The following RTEL1 variants were observed in gnomAD, a reference collection of about 807,000 sequenced individuals.
The protein encoded by RTEL1 is regulator of telomere elongation helicase 1.
RTEL1 carries 86 observed loss-of-function variants against 162.2 expected under a neutral mutation model. The ratio of observed to expected loss-of-function variants is 0.53; its 90% CI spans 0.45 to 0.63. RTEL1 has a LOEUF of 0.63. RTEL1 is among the 30% of genes least tolerant of loss of function. The pLI, the probability that RTEL1 is intolerant of heterozygous loss-of-function variation, is 0.00. For missense variants in RTEL1, 1,941 were observed against 1,750.2 expected (o/e 1.11, Z -1.95); for synonymous variants, 958 against 717.9 (o/e 1.33, Z -5.35).
chr20:63,667,037 C>T (rs1032289879), intron 7 of RTEL1, among the ~76,000 whole-genome samples: 25 of 151,108 alleles, frequency 1.7e-4, no homozygotes, highest in African/African-American at 5.9e-4. Context: ...GACGGGGTTT[C>T]ACCGTGTTAG....
Position 63,666,000 on chromosome 20 carries a change from G to T in RTEL1, c.539-4G>T, listed in dbSNP as rs1354561491. ...GTGTGTTTACCCCTGCCTCACACCTGCAGAAAAAAGCCTGGAGCAGGAGCT... is the reference window on the plus strand; with the variant it reads ...GTGTGTTTACCCCTGCCTCACACCTTCAGAAAAAAGCCTGGAGCAGGAGCT... On this transcript the variant is annotated splice_polypyrimidine_tract_variant and splice_region_variant and intron_variant, in intron 6 of 34. Coordinates refer to ENST00000360203, the MANE Select transcript of RTEL1 (RefSeq NM_001283009.2). 3.1e-6 allele frequency: 5 copies of T among 1,613,884 alleles called. No homozygotes were observed. The highest frequency in any genetic ancestry group is 4.2e-6 in the Non-Finnish European group (5 of 1,179,892).
At chr20:63,676,585 C>T (rs79981941) in intron 10 of RTEL1, among the ~76,000 whole-genome samples, 17 of 152,232 alleles carry the variant, frequency 1.1e-4, no homozygotes, top group East Asian at 7.7e-4. Context: ...CTTAGGACCA[C>T]GCCCTGCACC....
chr20:63,695,807 C>T lies in RTEL1; in HGVS notation c.3852C>T (p.Thr1284=), dbSNP rs149236681. 17 of 1,599,500 alleles carry T rather than the reference C, an allele frequency of 1.1e-5. No homozygotes were observed. In the East Asian group the frequency reaches 1.1e-4, roughly 11 times the overall value. Residue 1284 remains threonine (T), a synonymous_variant, in exon 35 of 35, where the codon ACC becomes ACT. Coordinates refer to ENST00000360203, the MANE Select transcript of RTEL1 (RefSeq NM_001283009.2). ...QASRMCPACH[T]ASRKQSVMQV... The stretch of plus-strand genomic sequence containing the variant: ...CTAGGATGTGCCCAGCCTGCCACAC[C>T]GCCTCCAGGAAGCAGAGCGTCATGC...
chr20:63,695,628 C>T lies in RTEL1; in HGVS notation c.3800C>T (p.Ala1267Val). The T allele has an allele frequency of 6.2e-6, 10 of 1,611,650 alleles. No individual in the cohort carries two copies. The highest frequency in any genetic ancestry group is 1.1e-5 in the South Asian group (1 of 91,068). ...CPACDFQRCQ[A>V]CWQRHLQASR... ...GCCTGTGACTTCCAGCGCTGCCAAGCCTGCTGGCAACGGCACCTTCAGGTT... is the reference window on the plus strand; with the variant it reads ...GCCTGTGACTTCCAGCGCTGCCAAGTCTGCTGGCAACGGCACCTTCAGGTT... Residue 1267 changes from alanine (A) to valine (V), a missense_variant, in exon 34 of 35, where the codon GCC (alanine) becomes GTC (valine). Coordinates refer to ENST00000360203, the MANE Select transcript of RTEL1 (RefSeq NM_001283009.2).
chr20:63,693,458 C>T (rs2090832487), intron 30 of RTEL1, among the ~76,000 whole-genome samples, 175 bp downstream of exon 30: 1 of 49,874 alleles, frequency 2.0e-5, no homozygotes. Flanking sequence ...GCACCACCTC[C>T]ACCTCCACCT....
chr20:63,685,756 C>T lies in RTEL1; in HGVS notation c.1267-35C>T, dbSNP rs375052586. 555 of 1,603,148 alleles carry T rather than the reference C, an allele frequency of 3.5e-4. 1 individual carries two copies. The highest frequency in any genetic ancestry group is 6.5e-4 in the Admixed American group (38 of 58,812). On this transcript the variant is annotated intron_variant, in intron 15 of 34. Coordinates refer to ENST00000360203, the MANE Select transcript of RTEL1 (RefSeq NM_001283009.2). ...TAAGGGGCTGCCCCCAGGACATGGG[C>T]GGGGCCTCCACACTCCTGGTCCTGT... is the stretch of plus-strand genomic sequence containing the variant.
At chr20:63,695,247 G>A (rs1289486073) in intron 33 of RTEL1, 26 bp downstream of exon 33, 1 of 1,608,796 alleles carries the variant, frequency 6.2e-7, no homozygotes, top group Non-Finnish European at 8.5e-7. Flanking sequence ...GGCTGCTCCT[G>A]GCAGCGCCCC....
chr20:63,677,253 C>T (rs1043241801), intron 10 of RTEL1, among the ~76,000 whole-genome samples: 1 of 152,192 alleles, frequency 6.6e-6, no homozygotes, highest in Non-Finnish European at 1.5e-5. Flanking sequence ...CTGGGTTGGT[C>T]GTTGTTACTG....
rs771530819 is a variant in RTEL1 at position 63,688,554 on chromosome 20, G to A, written c.1749G>A (p.Glu583=). 1 of 1,610,780 alleles carries A rather than the reference G, an allele frequency of 6.2e-7. No individual in the cohort carries two copies. The highest frequency in any genetic ancestry group is 2.2e-5 in the East Asian group (1 of 44,856). Residue 583 remains glutamate, a synonymous_variant, in exon 21 of 35, where the codon GAG becomes GAA. Coordinates refer to ENST00000360203, the MANE Select transcript of RTEL1 (RefSeq NM_001283009.2). ...CCCGCGACTTGGCCAGGAAGATGGA[G>A]GCGCTGAAGCCGCTGTTTGTGGAGC... ...WRARDLARKM[E]ALKPLFVEPR... is the part of the protein sequence containing the mutation.
intron 2 of RTEL1, among the ~76,000 whole-genome samples, chr20:63,660,973 A>G (rs575983971): frequency 6.6e-6 from 1 of 152,358 alleles, no homozygotes; most frequent in East Asian, 1.9e-4. Context: ...AAATGTTTGG[A>G]TCCAGAAACG....
At chr20:63,679,823 C>G (rs746178182) in intron 12 of RTEL1, 26 bp from the exon 13 acceptor site, 3 of 1,593,190 alleles carry the variant, frequency 1.9e-6, no homozygotes, top group Non-Finnish European at 2.6e-6. Context: ...CCGCCAGGCT[C>G]GAGCCTGCCT....
In RTEL1 at chr20:63,664,225, C is replaced by G. The variant is rs80206876; in HGVS notation, c.538+1336C>G. Among the ~76,000 whole-genome samples, 728 of 152,226 alleles carry G rather than the reference C, an allele frequency of 4.8e-3. 7 individuals carry two copies. The highest frequency in any genetic ancestry group is 0.015 in the African/African-American group (607 of 41,526). On this transcript the variant is annotated intron_variant, in intron 6 of 34. Coordinates refer to ENST00000360203, the MANE Select transcript of RTEL1 (RefSeq NM_001283009.2). Reference sequence around the variant, plus strand: ...TGGGACGGGGGGTTGGGCAGATGTGCTGATGGAAATTCTCAAGCAGGCGTC... The same window carrying G: ...TGGGACGGGGGGTTGGGCAGATGTGGTGATGGAAATTCTCAAGCAGGCGTC...
At chr20:63,677,568 G>A (rs533905584) in intron 10 of RTEL1, among the ~76,000 whole-genome samples, 1 of 152,334 alleles carries the variant, frequency 6.6e-6, no homozygotes, top group South Asian at 2.1e-4. Flanking sequence ...AGCAGAGATG[G>A]CGCTGCTGCA....
At chr20:63,692,756 C>A (rs2145445160) in intron 28 of RTEL1, 49 bp from the exon 29 acceptor site, 1 of 1,555,412 alleles carries the variant, frequency 6.4e-7, no homozygotes, top group Non-Finnish European at 8.8e-7. Context: ...GCCCCAGGGA[C>A]CAGATGATGA....
intron 10 of RTEL1, 92 bp downstream of exon 10, chr20:63,674,185 G>A: frequency 1.3e-6 from 2 of 1,510,366 alleles, no homozygotes; most frequent in South Asian, 1.3e-5. Context: ...CCCAGCCCAG[G>A]TGCGTTCATA....
chr20:63,658,150 C>T (rs2089946493), upstream of RTEL1: 1 of 152,342 alleles, frequency 6.6e-6, no homozygotes, highest in South Asian at 2.1e-4. Flanking sequence ...CCCCAGATTT[C>T]TGCCTGTGGG....
chr20:63,691,654 G>A (rs2090747618), intron 27 of RTEL1, 88 bp from the exon 28 acceptor site: 3 of 1,213,698 alleles, frequency 2.5e-6, no homozygotes, highest in African/African-American at 1.5e-5. Flanking sequence ...GGCTCCTTGG[G>A]ACCATCTTCC....
Position 63,691,722 on chromosome 20 carries a change from G to A in RTEL1, c.2557-20G>A, listed in dbSNP as rs1375869382. The stretch of plus-strand genomic sequence containing the variant: ...GTGTGGTTGGGGTCTGTGTGTGGTT[G>A]TGAGCTGTGTCCTCCTCAGGCCCAC... On this transcript the variant is annotated intron_variant, in intron 27 of 34. Transcript: ENST00000360203. The A allele has an allele frequency of 6.2e-7, 1 of 1,606,148 alleles. No homozygotes were observed. The highest frequency in any genetic ancestry group is 2.2e-5 in the East Asian group (1 of 44,824).
intron 30 of RTEL1, among the ~76,000 whole-genome samples, 197 bp downstream of exon 30, chr20:63,693,480 T>TCCACCACCACCACCACCACCACCA (rs1568720161): frequency 1.8e-4 from 1 of 5,418 alleles, no homozygotes; most frequent in Non-Finnish European, 3.9e-4. Context: ...CACCTCCACC[T>TCCACCACCACCACCACCACCACCA]CCACCACCAC....
Sources: allele counts gnomAD v4.1 joint callset (sites outside exome capture counted in the v4.1 genomes callset), GRCh38; gene constraint gnomAD v4.1.1; transcripts MANE v1.5; gene names NCBI Gene and HGNC (gene_info 2026-07-23, HGNC 2026-07-21).